Variants in TRABD2B observed in about 807,000 individuals in gnomAD.
TRABD2B encodes the protein TraB domain containing 2B.
A neutral mutation model predicts 40.1 loss-of-function variants in TRABD2B; 14 were observed. The observed-to-expected ratio is 0.35, with a 90% CI of 0.23 to 0.55. The LOEUF (loss-of-function observed/expected upper bound fraction) is 0.55. Ranked by LOEUF, TRABD2B falls within the 20% of genes least tolerant of loss-of-function variation. TRABD2B has a pLI of 0.90. For missense variants in TRABD2B, 541 were observed against 648.6 expected (o/e 0.83, Z 1.80); for synonymous variants, 263 against 277.0 (o/e 0.95, Z 0.50).
At chr1:47,898,190 A>C (rs1367148207) in intron 2 of TRABD2B, among the ~76,000 whole-genome samples, 1 of 152,190 alleles carries the variant, frequency 6.6e-6, no homozygotes, top group Non-Finnish European at 1.5e-5. Flanking sequence ...GCAACTTGTC[A>C]AGCAGGGGCT....
chr1:47,935,395 T>C (rs1645093389), intron 2 of TRABD2B, among the ~76,000 whole-genome samples: 1 of 152,198 alleles, frequency 6.6e-6, no homozygotes, highest in Non-Finnish European at 1.5e-5. Context: ...GCACCCGTCG[T>C]CACTGTATTG....
chr1:47,957,742 C>T (rs1353033877), intron 2 of TRABD2B, among the ~76,000 whole-genome samples: 2 of 152,150 alleles, frequency 1.3e-5, no homozygotes, highest in African/African-American at 4.8e-5. Context: ...ATTGGTGTAC[C>T]TGAAAGTGAC....
At chr1:47,878,691 G>T (rs1382261568) in intron 2 of TRABD2B, among the ~76,000 whole-genome samples, 4 of 152,306 alleles carry the variant, frequency 2.6e-5, no homozygotes, top group Admixed American at 2.0e-4. Flanking sequence ...GAGAGCAGGT[G>T]AGCACACAGG....
chr1:47,868,043 G>A (rs138034768), intron 2 of TRABD2B, among the ~76,000 whole-genome samples: 24 of 152,274 alleles, frequency 1.6e-4, no homozygotes, highest in East Asian at 5.8e-4. Context: ...AAAAAACACC[G>A]TCTCCTTGTT....
intron 2 of TRABD2B, among the ~76,000 whole-genome samples, chr1:47,952,489 T>TCCAGTC (rs1412443696): frequency 2.6e-5 from 4 of 152,174 alleles, no homozygotes; most frequent in African/African-American, 9.7e-5. Flanking sequence ...ACTTCAGGCC[T>TCCAGTC]CCAGTCCCAT....
intron 5 of TRABD2B, among the ~76,000 whole-genome samples, chr1:47,776,194 C>G (rs1644445092): frequency 6.6e-6 from 1 of 151,926 alleles, no homozygotes; most frequent in Non-Finnish European, 1.5e-5. Context: ...ATCCAACCTT[C>G]CATTCATACA....
intron 2 of TRABD2B, among the ~76,000 whole-genome samples, chr1:47,853,570 T>A (rs1643859253): frequency 6.6e-6 from 1 of 152,132 alleles, no homozygotes; most frequent in Admixed American, 6.6e-5. Flanking sequence ...TCTAAAAGGA[T>A]CTCTGGGAGC....
intron 3 of TRABD2B, 93 bp downstream of exon 3, chr1:47,801,380 C>T: frequency 7.5e-7 from 1 of 1,339,740 alleles, no homozygotes; most frequent in Middle Eastern, 1.9e-4. Flanking sequence ...ATAGCTCCTT[C>T]TTGCCATGGC....
chr1:47,802,540 T>C (rs1265131109), intron 2 of TRABD2B, among the ~76,000 whole-genome samples: 1 of 152,194 alleles, frequency 6.6e-6, no homozygotes, highest in Non-Finnish European at 1.5e-5. Context: ...ATTTGGGCTA[T>C]TTAACACAGA....
chr1:47,849,344 C>A (rs921043503), intron 2 of TRABD2B, among the ~76,000 whole-genome samples: 11 of 152,172 alleles, frequency 7.2e-5, no homozygotes, highest in African/African-American at 2.2e-4. Context: ...CAGAACACTG[C>A]CATCTGTGAA....
At chr1:47,995,861 G>A (rs952284301) in intron 1 of TRABD2B, among the ~76,000 whole-genome samples, 1 of 152,186 alleles carries the variant, frequency 6.6e-6, no homozygotes, top group Non-Finnish European at 1.5e-5. Flanking sequence ...TGCTGGAGGT[G>A]CACCTTGCCC....
At chr1:47,772,361 G>A (rs1392163834) in intron 6 of TRABD2B, among the ~76,000 whole-genome samples, 1 of 151,806 alleles carries the variant, frequency 6.6e-6, no homozygotes, top group Non-Finnish European at 1.5e-5. Context: ...GAGGTGGGAC[G>A]GGGCACCTCG....
At chr1:47,976,267 C>G (rs1482562260) in intron 2 of TRABD2B, among the ~76,000 whole-genome samples, 1 of 152,188 alleles carries the variant, frequency 6.6e-6, no homozygotes, top group Non-Finnish European at 1.5e-5. Flanking sequence ...CCTTCTACCC[C>G]TTACACACTG....
chr1:47,779,019 TG>T (rs1644485393), intron 4 of TRABD2B, among the ~76,000 whole-genome samples: 1 of 152,196 alleles, frequency 6.6e-6, no homozygotes, highest in East Asian at 1.9e-4. Context: ...TGGCTCATCT[TG>T]GTAAGTTCTA....
chr1:47,840,773 T>C (rs1020099663), intron 2 of TRABD2B, among the ~76,000 whole-genome samples: 2 of 152,190 alleles, frequency 1.3e-5, no homozygotes, highest in East Asian at 3.8e-4. Flanking sequence ...AGGAATCAAC[T>C]TGGGGCGTGA....
At chr1:47,903,864 T>TG (rs1390339993) in intron 2 of TRABD2B, among the ~76,000 whole-genome samples, 2 of 152,198 alleles carry the variant, frequency 1.3e-5, no homozygotes, top group African/African-American at 4.8e-5. Flanking sequence ...CCAAGAGCAC[T>TG]GGGGGCTCAC....
intron 2 of TRABD2B, among the ~76,000 whole-genome samples, chr1:47,965,555 C>T (rs1645590569): frequency 6.6e-6 from 1 of 152,062 alleles, no homozygotes; most frequent in Non-Finnish European, 1.5e-5. Flanking sequence ...TGACCCGGGC[C>T]CCAGCCCTCC....
intron 2 of TRABD2B, among the ~76,000 whole-genome samples, chr1:47,890,500 C>T (rs1304597373): frequency 1.3e-5 from 2 of 152,168 alleles, no homozygotes; most frequent in Non-Finnish European, 2.9e-5. Flanking sequence ...GATGCTGCAA[C>T]TTCCTGGGCA....
intron 2 of TRABD2B, among the ~76,000 whole-genome samples, chr1:47,878,338 G>A (rs1019720681): frequency 6.6e-6 from 1 of 152,158 alleles, no homozygotes. Context: ...AAAAGAACAT[G>A]TTTGTAAAAA....
Sources: allele counts gnomAD v4.1 joint callset (sites outside exome capture counted in the v4.1 genomes callset), GRCh38; gene constraint gnomAD v4.1.1; transcripts MANE v1.5; gene names NCBI Gene and HGNC (gene_info 2026-07-23, HGNC 2026-07-21).